RBFOX2: variants seen among roughly 807,000 people sequenced by gnomAD.
RBFOX2 encodes the protein RNA binding fox-1 homolog 2.
A neutral mutation model predicts 49.1 loss-of-function variants in RBFOX2; 10 were observed. The ratio of observed to expected loss-of-function variants is 0.20; its 90% CI spans 0.13 to 0.35. The LOEUF is 0.35. RBFOX2 is among the 10% of genes least tolerant of loss of function. The pLI, the probability that RBFOX2 is intolerant of heterozygous loss-of-function variation, is 1.00. For missense variants in RBFOX2, 323 were observed against 486.9 expected (o/e 0.66, Z 3.17); for synonymous variants, 183 against 187.4 (o/e 0.98, Z 0.19).
At chr22:35,992,785 AAGG>A (rs2058036724) in intron 1 of RBFOX2, 1 of 152,202 alleles carries the variant, frequency 6.6e-6, no homozygotes, top group Non-Finnish European at 1.5e-5. Flanking sequence ...CTACAAGATG[AAGG>A]TTAGTAAGGA....
In RBFOX2 at chr22:36,028,115, T is replaced by A. The variant is rs199501310; in HGVS notation, c.186+125A>T. 2.5e-4 allele frequency: 320 copies of A among 1,292,122 alleles called. 1 individual carries two copies. The East Asian group carries it at 8.5e-3, about 34-fold the overall frequency. 80.0% of individuals were successfully genotyped at this position (1,292,122 alleles called of 1,614,324 possible). ...CCCCACCTTCCAACCAGGCCCCGAATGGCCCCCCATCCCACCTCCAACCCA... is the reference window on the plus strand; with the variant it reads ...CCCCACCTTCCAACCAGGCCCCGAAAGGCCCCCCATCCCACCTCCAACCCA... On this transcript the variant is annotated intron_variant, in intron 1 of 13. Transcript: ENST00000438146.
intron 1 of RBFOX2, among the ~76,000 whole-genome samples, chr22:35,931,132 G>A (rs1474762575): frequency 6.6e-6 from 1 of 152,050 alleles, no homozygotes; most frequent in East Asian, 1.9e-4. Flanking sequence ...AGGGTGTAAG[G>A]ACAACACCAC....
chr22:35,791,379 C>CT (rs1947607214), intron 2 of RBFOX2, among the ~76,000 whole-genome samples: 1 of 141,038 alleles, frequency 7.1e-6, no homozygotes, highest in Non-Finnish European at 1.6e-5. Context: ...AGCAAAAACT[C>CT]TGTCTCAAAA....
At chr22:35,919,925 G>A (rs2050844337) in intron 1 of RBFOX2, among the ~76,000 whole-genome samples, 1 of 152,010 alleles carries the variant, frequency 6.6e-6, no homozygotes, top group African/African-American at 2.4e-5. Flanking sequence ...GTTTTGTTTT[G>A]TTCTTCAAGT....
rs145516367 is a variant in RBFOX2 at position 35,910,336 on chromosome 22, C to T, written c.-34+28511G>A. 4.7e-3 allele frequency among the ~76,000 whole-genome samples: 713 copies of T among 152,262 alleles called. 1 individual carries two copies. The highest frequency in any genetic ancestry group is 7.5e-3 in the Non-Finnish European group (513 of 68,026). The stretch of plus-strand genomic sequence containing the variant: ...TTATTGTTTGCCCAATTTGAATTTT[C>T]GCAGGCTTCTAACAGGATACTTAAA... On this transcript the variant is annotated intron_variant, in intron 1 of 13. Transcript: ENST00000359369.
chr22:35,739,072 C>G (rs1928453733), exon 12 of RBFOX2: 1 of 153,034 alleles, frequency 6.5e-6, no homozygotes, highest in Non-Finnish European at 1.5e-5. Context: ...AAACAGGACC[C>G]TGGGCAAGCA....
At chr22:36,025,332 C>G in intron 1 of RBFOX2, among the ~76,000 whole-genome samples, 1 of 152,224 alleles carries the variant, frequency 6.6e-6, no homozygotes, top group African/African-American at 2.4e-5. Flanking sequence ...CCTCACTTCA[C>G]TCATAGGCCA....
chr22:35,792,612 C>T (rs2147566692), intron 2 of RBFOX2, among the ~76,000 whole-genome samples: 1 of 152,180 alleles, frequency 6.6e-6, no homozygotes, highest in African/African-American at 2.4e-5. Flanking sequence ...CAACCGTAGG[C>T]GGAAGGAACT....
chr22:35,894,762 A>C (rs1393992089), intron 1 of RBFOX2, among the ~76,000 whole-genome samples: 1 of 151,630 alleles, frequency 6.6e-6, no homozygotes, highest in Non-Finnish European at 1.5e-5. Flanking sequence ...GCAGCTTTCC[A>C]CTCCTTATAT....
At chr22:35,931,184 T>C (rs145176061) in intron 1 of RBFOX2, among the ~76,000 whole-genome samples, 116 of 152,144 alleles carry the variant, frequency 7.6e-4, no homozygotes, top group East Asian at 3.9e-4. Context: ...AGGTCAGATG[T>C]TGGACAGAAG....
intron 6 of RBFOX2, among the ~76,000 whole-genome samples, chr22:35,762,300 T>C (rs1235758164): frequency 2.6e-5 from 4 of 152,142 alleles, no homozygotes; most frequent in Non-Finnish European, 5.9e-5. Context: ...AGGAATAATA[T>C]ACGATTGCTC....
intron 1 of RBFOX2, among the ~76,000 whole-genome samples, chr22:36,013,703 C>CA (rs146633731): frequency 0.017 from 2,552 of 151,508 alleles, 138 homozygotes; most frequent in Admixed American, 0.11. Flanking sequence ...GACCTTTTTA[C>CA]ATTTGAAAAA....
At chr22:35,864,499 G>A (rs2043452242) in intron 1 of RBFOX2, among the ~76,000 whole-genome samples, 1 of 152,158 alleles carries the variant, frequency 6.6e-6, no homozygotes, top group South Asian at 2.1e-4. Flanking sequence ...TTTGGTACAG[G>A]TTTACTGGTT....
chr22:35,757,339 T>C (rs559109898), intron 9 of RBFOX2, among the ~76,000 whole-genome samples: 1 of 152,204 alleles, frequency 6.6e-6, no homozygotes, highest in Admixed American at 6.5e-5. Flanking sequence ...AAACATTATT[T>C]TGGGACCAAA....
At chr22:35,902,251 T>C (rs923553045) in intron 1 of RBFOX2, among the ~76,000 whole-genome samples, 1 of 152,156 alleles carries the variant, frequency 6.6e-6, no homozygotes, top group Non-Finnish European at 1.5e-5. Context: ...TTTTCCATTA[T>C]CTACCCACTC....
chr22:35,892,677 T>C (rs1168395508), intron 1 of RBFOX2, among the ~76,000 whole-genome samples: 2 of 152,170 alleles, frequency 1.3e-5, no homozygotes, highest in Non-Finnish European at 2.9e-5. Flanking sequence ...GGTGATACAG[T>C]ATGTTTGACA....
At chr22:35,996,183 T>A (rs1377100912) in intron 1 of RBFOX2, 1 of 152,224 alleles carries the variant, frequency 6.6e-6, no homozygotes, top group Admixed American at 6.5e-5. Flanking sequence ...AAGAAAATAA[T>A]AATTGATTCA....
upstream of RBFOX2, among the ~76,000 whole-genome samples, chr22:35,845,244 G>A (rs1283142713): frequency 1.3e-5 from 2 of 152,078 alleles, no homozygotes; most frequent in Non-Finnish European, 2.9e-5. Flanking sequence ...TACCTTTCCA[G>A]AAGCACCTCT....
chr22:35,742,613 G>C (rs193055847), exon 12 of RBFOX2: 20 of 152,610 alleles, frequency 1.3e-4, no homozygotes, highest in Admixed American at 1.0e-3. Context: ...CAAAAAGACC[G>C]TGCTTTTCTA....
Sources: allele counts gnomAD v4.1 joint callset (sites outside exome capture counted in the v4.1 genomes callset), GRCh38; gene constraint gnomAD v4.1.1; transcripts MANE v1.5; gene names NCBI Gene and HGNC (gene_info 2026-07-23, HGNC 2026-07-21).